The following BPIFB4 variants were observed in gnomAD, a reference collection of about 807,000 sequenced individuals.
BPIFB4 encodes the protein BPI fold-containing family B member 4.
Under a neutral mutation model 69.2 loss-of-function variants are expected in BPIFB4, and 62 were observed. The ratio of observed to expected loss-of-function variants is 0.90; its 90% CI spans 0.73 to 1.11. BPIFB4 has a LOEUF of 1.11. BPIFB4 is among the 50% of genes least tolerant of loss of function. The pLI is 0.00. For synonymous variants in BPIFB4, 330 were observed against 332.7 expected, an observed-to-expected ratio of 0.99 and a Z score of 0.09; for missense variants, 789 against 792.0, an observed-to-expected ratio of 1.00 and a Z score of 0.04.
rs1257487662 is a variant in BPIFB4, at chr20:33,097,635, G to A, written c.1417G>A (p.Glu473Lys). Residue 473 changes from glutamate to lysine, a missense_variant, in exon 13 of 18, where the codon GAG (glutamate) becomes AAG (lysine). Coordinates refer to ENST00000375483, the MANE Select transcript of BPIFB4 (RefSeq NM_182519.3). Reference protein sequence around the residue: ...LIPKVFQQYPESCPLIIRIQV... With the variant: ...LIPKVFQQYPKSCPLIIRIQV... ...CCCACAGGTGTTCCAGCAGTACCCC[G>A]AGTCCTGCCCACTTATCATCAGGAT... The A allele has an allele frequency of 3.7e-6, 6 of 1,613,868 alleles. No individual in the cohort carries two copies. Among genetic ancestry groups the A allele is most frequent in the South Asian group, 3.3e-5 (3 of 91,068 alleles).
chr20:33,081,516 G>A lies in BPIFB4; in HGVS notation c.-11G>A, dbSNP rs2146400629. 2 of 1,551,582 alleles carry A rather than the reference G, an allele frequency of 1.3e-6. No individual in the cohort carries two copies. Among genetic ancestry groups the A allele is most frequent in the South Asian group, 1.2e-5 (1 of 84,056 alleles). ...TCTGCACTTTCTCCTCCACAGGGAA[G>A]CAGTGCCAGCATGTGGATGGCCTGG... On this transcript the variant is annotated 5_prime_UTR_variant, in exon 3 of 18. Transcript: ENST00000375483.
At chr20:33,085,900 C>T in intron 6 of BPIFB4, 121 bp from the exon 7 acceptor site, 1 of 1,250,756 alleles carries the variant, frequency 8.0e-7, no homozygotes. Flanking sequence ...GGGTTGGGTT[C>T]CTTAGAGATG....
chr20:33,104,628 T>C (rs2146415550), intron 15 of BPIFB4, 182 bp from the exon 16 acceptor site: 1 of 571,116 alleles, frequency 1.8e-6, no homozygotes, highest in South Asian at 2.3e-5. Flanking sequence ...TGCAAGTTGA[T>C]GGGGGGCACC....
chr20:33,090,755 A>G lies in BPIFB4; in HGVS notation c.1099A>G (p.Ser367Gly). The change falls in exon 10 of 18, where the codon AGC becomes GGC. Residue 367 changes from serine to glycine, a missense_variant. Ser to Gly is a moderately conservative substitution (Grantham distance 56). This residue lies in a region of BPIFB4 where 611 missense variants were observed against 575.4 expected (regional missense o/e 1.06). Coordinates refer to ENST00000375483, the MANE Select transcript of BPIFB4 (RefSeq NM_182519.3). ...GGGAAGTGTCCAGTACACCTTCTCC[A>G]GCCTCCCGCTTGTGACCGGGGAATT... The part of the protein sequence containing the change: ...ILGSVQYTFS[S>G]LPLVTGEFLE... The G allele has an allele frequency of 6.2e-7, 1 of 1,614,186 alleles. No individual in the cohort carries two copies. The highest frequency in any genetic ancestry group is 8.5e-7 in the Non-Finnish European group (1 of 1,180,026).
At chr20:33,098,770 A>G (rs1981827594) in intron 13 of BPIFB4, among the ~76,000 whole-genome samples, 2 of 149,898 alleles carry the variant, frequency 1.3e-5, no homozygotes, top group African/African-American at 4.9e-5. Flanking sequence ...AAAATGAACC[A>G]TGTTTCTCCT....
At chr20:33,110,867 G>T (rs1343110582) in intron 17 of BPIFB4, among the ~76,000 whole-genome samples, 1 of 146,028 alleles carries the variant, frequency 6.8e-6, no homozygotes, top group Non-Finnish European at 1.5e-5. Context: ...CCAAGCTGGA[G>T]TGCAATGGCG....
chr20:33,104,649 C>T (rs1042121354), intron 15 of BPIFB4, 161 bp from the exon 16 acceptor site: 10 of 612,734 alleles, frequency 1.6e-5, no homozygotes, highest in South Asian at 1.3e-4. Flanking sequence ...TTAAGGCTGC[C>T]GGTGAGAAAT....
chr20:33,110,348 C>T (rs145436432), intron 17 of BPIFB4, among the ~76,000 whole-genome samples: 44 of 152,332 alleles, frequency 2.9e-4, no homozygotes, highest in African/African-American at 9.9e-4. Context: ...GGCAAGAACA[C>T]CACAGAAGTG....
chr20:33,108,092 A>C (rs1982122538), intron 17 of BPIFB4, among the ~76,000 whole-genome samples: 1 of 152,202 alleles, frequency 6.6e-6, no homozygotes, highest in African/African-American at 2.4e-5. Flanking sequence ...GGCTCACAGC[A>C]GTAAGGGGCT....
chr20:33,086,782 T>G (rs374765091), intron 7 of BPIFB4, among the ~76,000 whole-genome samples: 28 of 152,186 alleles, frequency 1.8e-4, no homozygotes, highest in Non-Finnish European at 2.8e-4. Context: ...TTACAAAATG[T>G]CCAAGTCTCC....
intron 8 of BPIFB4, 140 bp from the exon 9 acceptor site, chr20:33,089,358 C>T: frequency 7.3e-7 from 1 of 1,371,206 alleles, no homozygotes; most frequent in Non-Finnish European, 1.0e-6. Flanking sequence ...CAGCCTTCCC[C>T]ACAGGGCTGT....
At chr20:33,088,267 G>A (rs1981492873) in intron 7 of BPIFB4, among the ~76,000 whole-genome samples, 1 of 151,650 alleles carries the variant, frequency 6.6e-6, no homozygotes, top group South Asian at 2.1e-4. Context: ...CTTGAGCCCG[G>A]GAGTTCAAGG....
intron 15 of BPIFB4, among the ~76,000 whole-genome samples, chr20:33,104,003 C>T (rs1398433103): frequency 6.6e-6 from 1 of 152,086 alleles, no homozygotes; most frequent in Non-Finnish European, 1.5e-5. Context: ...ATCCTTACCA[C>T]CGTGTTATGA....
chr20:33,107,952 C>T (rs1180757473), intron 17 of BPIFB4, 132 bp downstream of exon 17: 2 of 758,644 alleles, frequency 2.6e-6, no homozygotes, highest in Admixed American at 4.3e-5. Flanking sequence ...GGGTCCTCTT[C>T]CTTCCAAGCA....
At chr20:33,094,506 CT>C (rs1981701357) in intron 11 of BPIFB4, among the ~76,000 whole-genome samples, 1 of 123,138 alleles carries the variant, frequency 8.1e-6, no homozygotes, top group Middle Eastern at 4.2e-3. Flanking sequence ...CTTTTTCTTT[CT>C]TTCTTTTTTT....
intron 13 of BPIFB4, among the ~76,000 whole-genome samples, 171 bp from the exon 14 acceptor site, chr20:33,100,255 C>G (rs544197656): frequency 6.6e-6 from 1 of 152,254 alleles, no homozygotes; most frequent in South Asian, 2.1e-4. Flanking sequence ...GAGTGTTAAC[C>G]AGGAGTCTCA....
intron 17 of BPIFB4, among the ~76,000 whole-genome samples, chr20:33,108,354 G>A (rs531177321): frequency 1.4e-5 from 2 of 148,132 alleles, no homozygotes; most frequent in East Asian, 2.0e-4. Context: ...AAAACCACCC[G>A]TGCTCAATAT....
intron 16 of BPIFB4, among the ~76,000 whole-genome samples, chr20:33,105,978 G>A (rs1322612523): frequency 2.6e-5 from 4 of 152,158 alleles, no homozygotes; most frequent in Non-Finnish European, 5.9e-5. Context: ...AGTGAGCTCC[G>A]TAAAGCAGTC....
In BPIFB4 at chr20:33,086,040, A is replaced by T. The variant is rs2070325; in HGVS notation, c.802A>T (p.Ile268Phe). The T allele has an allele frequency of 6.2e-7, 1 of 1,610,488 alleles. No homozygotes were observed. The highest frequency in any genetic ancestry group is 1.3e-5 in the African/African-American group (1 of 74,880). Residue 268 changes from isoleucine to phenylalanine, a missense_variant, in exon 7 of 18, where the codon ATC (isoleucine) becomes TTC (phenylalanine). Ile to Phe is a conservative substitution (Grantham distance 21). Transcript: ENST00000375483. ...NGKSLIGFLDIAVEVNITAKV... is the reference protein window; with the variant it reads ...NGKSLIGFLDFAVEVNITAKV... ...CTCCAGTCTTATTGGCTTCCTGGAC[A>T]TCGCAGTAGAAGTGAACATCACAGC...
Sources: allele counts gnomAD v4.1 joint callset (sites outside exome capture counted in the v4.1 genomes callset), GRCh38; gene constraint gnomAD v4.1.1; regional missense constraint gnomAD v4.1.1; transcripts MANE v1.5; gene names NCBI Gene and HGNC (gene_info 2026-07-23, HGNC 2026-07-21).